PFKFB2: variants seen among roughly 807,000 people sequenced by gnomAD.
The protein encoded by PFKFB2 is 6-phosphofructo-2-kinase/fructose-2,6-biphosphatase 2, also known as 6-phosphofructo-2-kinase/fructose-2,6-bisphosphatase 2.
In PFKFB2, 53 loss-of-function variants were observed where a neutral mutation model predicts 68.0. The ratio of observed to expected loss-of-function variants is 0.78; its 90% CI spans 0.63 to 0.98. The LOEUF is 0.98. Ranked by LOEUF, PFKFB2 falls within the 50% of genes least tolerant of loss-of-function variation. The pLI is 0.00. For missense variants in PFKFB2, 451 were observed against 642.0 expected, an observed-to-expected ratio of 0.70 and a Z score of 3.22; for synonymous variants, 222 against 227.6, an observed-to-expected ratio of 0.98 and a Z score of 0.22.
At chr1:207,041,341 G>A (rs1481770206) in intron 1 of PFKFB2, among the ~76,000 whole-genome samples, 3 of 151,664 alleles carry the variant, frequency 2.0e-5, no homozygotes, top group South Asian at 2.1e-4. Context: ...CCATGAACCC[G>A]TCATCTACAT....
chr1:207,052,438 A>C, upstream of PFKFB2: 1 of 488,668 alleles, frequency 2.0e-6, no homozygotes, highest in Non-Finnish European at 3.7e-6. Flanking sequence ...GAGGCGGGTG[A>C]ATCACCCGAG....
chr1:207,067,671 G>C lies in PFKFB2; in HGVS notation c.805G>C (p.Gly269Arg). The C allele has an allele frequency of 1.9e-6, 3 of 1,614,000 alleles. No homozygotes were observed. The highest frequency in any genetic ancestry group is 2.5e-6 in the Non-Finnish European group (3 of 1,179,962). The change falls in exon 9 of 15, where the codon GGG becomes CGG. Residue 269 changes from glycine to arginine, a missense_variant. Physicochemically the swap from Gly to Arg is moderately radical, Grantham distance 125. Coordinates refer to ENST00000367080, the MANE Select transcript of PFKFB2 (RefSeq NM_006212.2). ...CGAGTTCAATCTCTTGGGGAAGATT[G>C]GGGGTGACTCTGGCCTCTCGGTGCG... The part of the protein sequence containing the change: ...ESEFNLLGKI[G>R]GDSGLSVRGK...
chr1:207,065,429 C>A, intron 8 of PFKFB2: 2 of 376,912 alleles, frequency 5.3e-6, no homozygotes, highest in Non-Finnish European at 7.3e-6. Flanking sequence ...GGGCCCACTG[C>A]AACTGCTGCC....
Position 207,076,143 on chromosome 1 carries a change from TG to T in PFKFB2, c.*3775del. 1 of 985,282 alleles carries T rather than the reference TG, an allele frequency of 1.0e-6. No homozygotes were observed. The highest frequency in any genetic ancestry group is 1.2e-6 in the Non-Finnish European group (1 of 829,780). The allele number at this position is 985,282 out of a possible 1,614,324, so 61.0% of individuals were successfully genotyped here. A position where few individuals can be genotyped will look rare whatever the true frequency, so the allele number is the denominator to read the frequency against. On this transcript the variant is annotated 3_prime_UTR_variant, in exon 15 of 15. Transcript: ENST00000367080. ...TGGGTGAGTATTCCATATGAGGATC[TG>T]GGTAATCCTCTTTGCAACCCACATT...
At chr1:207,078,918 G>T, downstream of PFKFB2, 8 of 1,578,808 alleles carry the variant, frequency 5.1e-6, no homozygotes, top group Non-Finnish European at 7.0e-6. Flanking sequence ...TGGCAGTGCT[G>T]TAATAGCTTT....
At chr1:207,059,579 C>G (rs141412483) in intron 2 of PFKFB2, among the ~76,000 whole-genome samples, 289 of 152,278 alleles carry the variant, frequency 1.9e-3, no homozygotes, top group African/African-American at 6.6e-3. Flanking sequence ...ACTTATGTTG[C>G]TCCTTTACCT....
chr1:207,062,314 A>G (rs11587070), intron 3 of PFKFB2, among the ~76,000 whole-genome samples: 2,401 of 152,320 alleles, frequency 0.016, 29 homozygotes, highest in Middle Eastern at 0.041. Flanking sequence ...TTAGATGAGC[A>G]TAGGGCTGTA....
intron 14 of PFKFB2, among the ~76,000 whole-genome samples, 154 bp downstream of exon 14, chr1:207,071,727 T>C (rs945292240): frequency 1.5e-5 from 2 of 130,898 alleles, no homozygotes; most frequent in Admixed American, 8.1e-5. Flanking sequence ...GAAACTGATG[T>C]TGGAATTATT....
upstream of PFKFB2, chr1:207,051,171 C>T (rs1460334871): frequency 1.4e-6 from 2 of 1,405,208 alleles, no homozygotes; most frequent in African/African-American, 1.5e-5. Context: ...CCTCCGTATT[C>T]CTAAAGGACA....
Position 207,072,946 on chromosome 1 carries a change from C to T in PFKFB2, c.*575C>T. 1.0e-6 allele frequency: 1 copy of T among 985,702 alleles called. No individual in the cohort carries two copies. The highest frequency in any genetic ancestry group is 1.2e-6 in the Non-Finnish European group (1 of 830,178). The allele number at this position is 985,702 out of a possible 1,614,324, so 61.1% of individuals were successfully genotyped here. A position where few individuals can be genotyped will look rare whatever the true frequency, so the allele number is the denominator to read the frequency against. On this transcript the variant is annotated 3_prime_UTR_variant, in exon 15 of 15. Coordinates refer to ENST00000367080, the MANE Select transcript of PFKFB2 (RefSeq NM_006212.2). ...GAAGGAAGGGGTGATTGACAAGAGA[C>T]AAGTCTGGCCCAGTTAATGCTTTCT...
chr1:207,044,653 C>G (rs1682551200), intron 2 of PFKFB2: 1 of 152,218 alleles, frequency 6.6e-6, no homozygotes, highest in Non-Finnish European at 1.5e-5. Flanking sequence ...TAAGCTTTTT[C>G]ACCTATGGCC....
Position 207,072,372 on chromosome 1 carries a change from C to A in PFKFB2, c.*1C>A. ...GGACATGCAAGAAGGGGCCGACTAG[C>A]CGAAGACCCAAGTCAGCATTCCGGT... On this transcript the variant is annotated 3_prime_UTR_variant, in exon 15 of 15. Transcript: ENST00000367080. 1 of 1,612,366 alleles carries A rather than the reference C, an allele frequency of 6.2e-7. No homozygotes were observed.
At chr1:207,077,864 C>T (rs894214561), downstream of PFKFB2, 17 of 914,510 alleles carry the variant, frequency 1.9e-5, no homozygotes, top group African/African-American at 2.9e-4. Context: ...GTTGTGTTTC[C>T]CATCCCTTCC....
chr1:207,063,888 G>GGGTGTGTGTGTGTGT lies in PFKFB2; in HGVS notation c.507+60_507+61insGTGTGTGTGTGTGTG. 2.0e-6 allele frequency: 2 copies of GGGTGTGTGTGTGTGT among 1,015,392 alleles called. No individual in the cohort carries two copies. Among genetic ancestry groups the GGGTGTGTGTGTGTGT allele is most frequent in the Non-Finnish European group, 3.1e-6 (2 of 650,706 alleles). 62.9% of individuals were successfully genotyped at this position (1,015,392 alleles called of 1,614,324 possible). A position where few individuals can be genotyped will look rare whatever the true frequency, so the allele number is the denominator to read the frequency against. On this transcript the variant is annotated intron_variant, in intron 7 of 14. Coordinates refer to ENST00000367080, the MANE Select transcript of PFKFB2 (RefSeq NM_006212.2). The surrounding 1 kb of genome is among the most constrained non-coding windows in gnomAD (Gnocchi z 4.1). ...ACCTTTTGTGCTGTGTGTGTTGTGG[G>GGGTGTGTGTGTGTGT]GTGTGTGTGTGTGTGTGTGTGTGTG... is the stretch of plus-strand genomic sequence containing the variant.
Position 207,073,756 on chromosome 1 carries a change from A to T in PFKFB2, c.*1385A>T. ...GTTAAACAGAAAATGTTTAGGGAAG[A>T]AATTCTTAGCCCCTTGATGACCATG... On this transcript the variant is annotated 3_prime_UTR_variant, in exon 15 of 15. Transcript: ENST00000367080. 3 of 984,828 alleles carry T rather than the reference A, an allele frequency of 3.0e-6. No homozygotes were observed. Among genetic ancestry groups the T allele is most frequent in the Non-Finnish European group, 3.6e-6 (3 of 829,350 alleles). The allele number at this position is 984,828 out of a possible 1,614,324, so 61.0% of individuals were successfully genotyped here.
intron 2 of PFKFB2, among the ~76,000 whole-genome samples, chr1:207,058,786 C>T (rs987180955): frequency 6.6e-6 from 1 of 152,150 alleles, no homozygotes; most frequent in Non-Finnish European, 1.5e-5. Flanking sequence ...AGCCACTGCG[C>T]CCAGCCTCAA....
chr1:207,076,907 CTCTG>C lies in PFKFB2; in HGVS notation c.*4540_*4543del, dbSNP rs1163890935. 10 of 983,530 alleles carry C rather than the reference CTCTG, an allele frequency of 1.0e-5. No homozygotes were observed. The highest frequency in any genetic ancestry group is 1.1e-5 in the Non-Finnish European group (9 of 828,286). The allele number at this position is 983,530 out of a possible 1,614,324, so 60.9% of individuals were successfully genotyped here. A position where few individuals can be genotyped will look rare whatever the true frequency, so the allele number is the denominator to read the frequency against. ...GAAGTGTATGTACATTATGGTAATT[CTCTG>C]TCTATTAAATGTGTCTAACAAAGGA... On this transcript the variant is annotated 3_prime_UTR_variant, in exon 15 of 15. Coordinates refer to ENST00000367080, the MANE Select transcript of PFKFB2 (RefSeq NM_006212.2).
intron 1 of PFKFB2, among the ~76,000 whole-genome samples, chr1:207,040,859 T>C (rs1682462466): frequency 6.6e-6 from 1 of 151,772 alleles, no homozygotes; most frequent in Admixed American, 6.6e-5. Flanking sequence ...TCTAATGGGA[T>C]GGTAAAGAGG....
At chr1:207,043,719 C>T (rs1369274644) in intron 2 of PFKFB2, 2 of 152,622 alleles carry the variant, frequency 1.3e-5, no homozygotes, top group East Asian at 3.9e-4. Flanking sequence ...ATTGAGTCCG[C>T]CTAAAGGGTG....
Sources: gnomAD v4.1 joint callset for allele counts (sites outside exome capture counted in the v4.1 genomes callset) on GRCh38, gnomAD v4.1.1 for gene constraint, Gnocchi (gnomAD v3.1) non-coding constraint, MANE v1.5 for transcripts, NCBI Gene and HGNC (gene_info 2026-07-23, HGNC 2026-07-21) for gene names.